Variants in BMPR1B observed in about 807,000 individuals in gnomAD.
The protein encoded by BMPR1B is bone morphogenetic protein receptor type 1B.
Under a neutral mutation model 59.1 loss-of-function variants are expected in BMPR1B, and 12 were observed. The ratio of observed to expected loss-of-function variants is 0.20; its 90% CI spans 0.13 to 0.33. The LOEUF is 0.33. BMPR1B is among the 10% of genes least tolerant of loss of function. The pLI, the probability that BMPR1B is intolerant of heterozygous loss-of-function variation, is 1.00. For synonymous variants in BMPR1B, 237 were observed against 207.3 expected, an observed-to-expected ratio of 1.14 and a Z score of -1.23; for missense variants, 550 against 610.9, an observed-to-expected ratio of 0.90 and a Z score of 1.05.
In BMPR1B at chr4:95,083,252, A is replaced by T. The variant is rs188549040; in HGVS notation, c.-17-21156A>T. On this transcript the variant is annotated intron_variant, in intron 3 of 12. Transcript: ENST00000515059. Reference sequence around the variant, plus strand: ...TCTTTTTTATTTTTTGCTTGACCACACCAAAAGAGTTCAAGCCTCTTTGGC... The same window carrying T: ...TCTTTTTTATTTTTTGCTTGACCACTCCAAAAGAGTTCAAGCCTCTTTGGC... Among the ~76,000 whole-genome samples, 30 of 152,040 alleles carry T rather than the reference A, an allele frequency of 2.0e-4. No homozygotes were observed. The East Asian group carries it at 5.4e-3, about 27-fold the overall frequency.
intron 10 of BMPR1B, among the ~76,000 whole-genome samples, chr4:95,140,521 A>G (rs1048371490): frequency 1.2e-4 from 18 of 152,096 alleles, no homozygotes; most frequent in Non-Finnish European, 2.1e-4. Context: ...TTTTCCATGT[A>G]TCTTAATCCA....
intron 1 of BMPR1B, among the ~76,000 whole-genome samples, chr4:94,840,121 TGAG>T (rs770621507): frequency 5.3e-5 from 8 of 150,448 alleles, no homozygotes; most frequent in Non-Finnish European, 7.4e-5. Flanking sequence ...GAGTTTCTGC[TGAG>T]AGATCAGGTG....
At chr4:95,035,342 A>G (rs1211017449) in intron 3 of BMPR1B, among the ~76,000 whole-genome samples, 1 of 152,116 alleles carries the variant, frequency 6.6e-6, no homozygotes, top group African/African-American at 2.4e-5. Flanking sequence ...CTTGATCATG[A>G]ACTCTTTGCC....
chr4:95,035,256 T>C (rs1230571008), intron 3 of BMPR1B, among the ~76,000 whole-genome samples: 2 of 152,348 alleles, frequency 1.3e-5, no homozygotes, highest in Admixed American at 1.3e-4. Flanking sequence ...ATTATTTCTT[T>C]TGCTTTGCAG....
intron 1 of BMPR1B, among the ~76,000 whole-genome samples, chr4:94,798,211 T>C (rs778524110): frequency 2.6e-4 from 40 of 152,336 alleles, no homozygotes; most frequent in Non-Finnish European, 5.1e-4. Flanking sequence ...AATATTGATA[T>C]ATTATGTGCT....
intron 1 of BMPR1B, among the ~76,000 whole-genome samples, chr4:94,791,288 C>T (rs936292901): frequency 5.3e-5 from 8 of 152,086 alleles, no homozygotes; most frequent in Admixed American, 4.6e-4. Context: ...CCCGTCCAGC[C>T]ACCAAGTAGG....
Position 95,051,585 on chromosome 4 carries a change from C to T in BMPR1B, c.-17-52823C>T, listed in dbSNP as rs1726503931. ...CACGGTCCTGTCTCAGGGTTGCTGGCAGGCTTGCGAGAAGATCTGACAAGA... is the reference window on the plus strand; with the variant it reads ...CACGGTCCTGTCTCAGGGTTGCTGGTAGGCTTGCGAGAAGATCTGACAAGA... On this transcript the variant is annotated intron_variant, in intron 3 of 12. Coordinates refer to ENST00000515059, the MANE Select transcript of BMPR1B (RefSeq NM_001203.3). 2 of 948,296 alleles carry T rather than the reference C, an allele frequency of 2.1e-6. No individual in the cohort carries two copies. Among genetic ancestry groups the T allele is most frequent in the South Asian group, 3.1e-5 (2 of 63,728 alleles). The allele number at this position is 948,296 out of a possible 1,614,324, so 58.7% of individuals were successfully genotyped here.
At chr4:95,116,428 C>CACACAA (rs1206147186) in intron 6 of BMPR1B, among the ~76,000 whole-genome samples, 100 of 145,044 alleles carry the variant, frequency 6.9e-4, no homozygotes, top group African/African-American at 2.5e-3. Context: ...CGCGCACACA[C>CACACAA]ACACACACAC....
At chr4:94,860,510 A>G (rs188531910) in intron 1 of BMPR1B, among the ~76,000 whole-genome samples, 1 of 152,334 alleles carries the variant, frequency 6.6e-6, no homozygotes, top group Admixed American at 6.5e-5. Context: ...CATCAAGAAA[A>G]TTTTTAAAAA....
chr4:94,885,629 GTT>G (rs1290662692), intron 2 of BMPR1B, among the ~76,000 whole-genome samples: 1 of 152,074 alleles, frequency 6.6e-6, no homozygotes, highest in Non-Finnish European at 1.5e-5. Context: ...GAAATGTTAA[GTT>G]TATATAGAAA....
At chr4:94,979,087 T>A (rs564095628) in intron 2 of BMPR1B, among the ~76,000 whole-genome samples, 93 of 152,202 alleles carry the variant, frequency 6.1e-4, no homozygotes, top group African/African-American at 2.2e-3. Flanking sequence ...CTCACTATCA[T>A]GAGAACAACA....
At chr4:94,875,733 A>G (rs1726702165) in intron 1 of BMPR1B, 98 bp from the exon 2 acceptor site, 1 of 152,620 alleles carries the variant, frequency 6.6e-6, no homozygotes, top group Non-Finnish European at 1.5e-5. Flanking sequence ...CCCCAATTCC[A>G]TTATGTATTA....
intron 3 of BMPR1B, among the ~76,000 whole-genome samples, chr4:94,998,289 T>C (rs1224188752): frequency 6.6e-6 from 1 of 152,126 alleles, no homozygotes; most frequent in African/African-American, 2.4e-5. Flanking sequence ...TGAATTTAGC[T>C]TGAAATATTA....
At chr4:94,850,473 A>T (rs1725526198) in intron 1 of BMPR1B, among the ~76,000 whole-genome samples, 1 of 150,348 alleles carries the variant, frequency 6.7e-6, no homozygotes, top group South Asian at 2.1e-4. Flanking sequence ...AACAGCTGAG[A>T]TATGGTGTGA....
chr4:94,791,755 T>G (rs1020656682), intron 1 of BMPR1B, among the ~76,000 whole-genome samples: 10 of 152,308 alleles, frequency 6.6e-5, no homozygotes, highest in Non-Finnish European at 1.3e-4. Flanking sequence ...AGAAATCTCT[T>G]GTTTAAATAG....
chr4:94,783,760 G>T (rs76490967), intron 1 of BMPR1B, among the ~76,000 whole-genome samples: 2 of 152,220 alleles, frequency 1.3e-5, no homozygotes, highest in Admixed American at 1.3e-4. Flanking sequence ...GCTGGGTGTA[G>T]AGCGTTTACC....
intron 1 of BMPR1B, among the ~76,000 whole-genome samples, chr4:94,780,032 T>C (rs1291880726): frequency 6.6e-6 from 1 of 152,208 alleles, no homozygotes. Context: ...ATTGCTCTTA[T>C]TTTCTAGGAT....
At chr4:94,964,361 T>C (rs1169763854) in intron 2 of BMPR1B, among the ~76,000 whole-genome samples, 2 of 152,174 alleles carry the variant, frequency 1.3e-5, no homozygotes, top group African/African-American at 4.8e-5. Flanking sequence ...AGTGCTAGGT[T>C]GAATAAGAAT....
chr4:94,817,531 T>A (rs1013082778), intron 1 of BMPR1B, among the ~76,000 whole-genome samples: 3 of 152,076 alleles, frequency 2.0e-5, no homozygotes, highest in Non-Finnish European at 2.9e-5. Context: ...TTTTTCTTGG[T>A]CTGCGAAATG....
Sources: allele counts gnomAD v4.1 joint callset (sites outside exome capture counted in the v4.1 genomes callset), GRCh38; gene constraint gnomAD v4.1.1; transcripts MANE v1.5; gene names NCBI Gene and HGNC (gene_info 2026-07-23, HGNC 2026-07-21).